Variants in ANXA11 observed in about 807,000 individuals in gnomAD.
ANXA11 encodes annexin A11.
In ANXA11, 57 loss-of-function variants were observed where a neutral mutation model predicts 64.7. That is an observed-to-expected ratio of 0.88 (90% CI 0.71 to 1.10). ANXA11 has a LOEUF of 1.10. Among genes scored for constraint, ANXA11 ranks in the 50% least tolerant of loss-of-function variants. ANXA11 has a pLI of 0.00. For synonymous variants in ANXA11, 260 were observed against 265.2 expected (o/e 0.98, Z 0.19); for missense variants, 675 against 670.7 (o/e 1.01, Z -0.07).
At chr10:80,185,313 G>T (rs1399099078) in intron 1 of ANXA11, among the ~76,000 whole-genome samples, 1 of 152,226 alleles carries the variant, frequency 6.6e-6, no homozygotes, top group Non-Finnish European at 1.5e-5. Context: ...GGGCAGCTCA[G>T]TGCTGCCCGG....
chr10:80,194,629 C>T (rs936055266), intron 1 of ANXA11, among the ~76,000 whole-genome samples: 3 of 152,152 alleles, frequency 2.0e-5, no homozygotes, highest in African/African-American at 7.2e-5. Context: ...AATCTAAGCC[C>T]TCCCAGCCTC....
intron 12 of ANXA11, 52 bp from the exon 13 acceptor site, chr10:80,159,247 G>A (rs1845411194): frequency 2.0e-6 from 3 of 1,469,204 alleles, no homozygotes; most frequent in Non-Finnish European, 2.9e-6. Context: ...TCTCCCCAAA[G>A]TTCATATGTG....
intron 3 of ANXA11, chr10:80,171,119 T>A: frequency 6.8e-7 from 1 of 1,481,324 alleles, no homozygotes; most frequent in Non-Finnish European, 8.9e-7. Context: ...CCTTCCCCTC[T>A]TCCCAGGGAG....
At chr10:80,171,732 C>T in intron 3 of ANXA11, 1 of 985,540 alleles carries the variant, frequency 1.0e-6, no homozygotes, top group Non-Finnish European at 1.2e-6. Flanking sequence ...GGGCTCCAGA[C>T]CCTCCAGGAA....
intron 3 of ANXA11, among the ~76,000 whole-genome samples, chr10:80,172,348 A>G (rs1846011270): frequency 6.6e-6 from 1 of 151,978 alleles, no homozygotes; most frequent in African/African-American, 2.4e-5. Context: ...AAACCCACAC[A>G]CCTTGAGCAG....
intron 12 of ANXA11, among the ~76,000 whole-genome samples, chr10:80,160,699 C>A (rs988650965): frequency 6.6e-6 from 1 of 152,122 alleles, no homozygotes; most frequent in African/African-American, 2.4e-5. Context: ...AGTCCCAGAG[C>A]CTCAGATAAC....
At chr10:80,202,114 C>G (rs977817910) in intron 1 of ANXA11, among the ~76,000 whole-genome samples, 3 of 150,698 alleles carry the variant, frequency 2.0e-5, no homozygotes, top group African/African-American at 7.4e-5. Flanking sequence ...CACCCGCTAA[C>G]TGATCTCAAA....
intron 8 of ANXA11, 24 bp downstream of exon 8, chr10:80,166,060 A>G (rs1197949283): frequency 1.5e-6 from 2 of 1,320,674 alleles, no homozygotes; most frequent in African/African-American, 1.5e-5. Context: ...ACACACACAC[A>G]CACACACACA....
intron 13 of ANXA11, 23 bp from the exon 14 acceptor site, chr10:80,158,048 A>G: frequency 6.2e-7 from 1 of 1,612,970 alleles, no homozygotes; most frequent in Non-Finnish European, 8.5e-7. Flanking sequence ...AACTCGGCAT[A>G]ACCAGATCTG....
At chr10:80,186,185 T>G (rs75482735) in intron 1 of ANXA11, among the ~76,000 whole-genome samples, 1,785 of 152,208 alleles carry the variant, frequency 0.012, 39 homozygotes, top group African/African-American at 0.041. Flanking sequence ...TTGTTCCCAT[T>G]ATATCATGTA....
chr10:80,187,798 C>A (rs1846605534), intron 1 of ANXA11, among the ~76,000 whole-genome samples: 1 of 152,114 alleles, frequency 6.6e-6, no homozygotes, highest in African/African-American at 2.4e-5. Context: ...GGGCACAAGT[C>A]CCAGGGTGGC....
At chr10:80,161,067 C>T (rs1275467448) in intron 12 of ANXA11, among the ~76,000 whole-genome samples, 4 of 152,178 alleles carry the variant, frequency 2.6e-5, no homozygotes, top group African/African-American at 4.8e-5. Context: ...ACTCCATTCT[C>T]GGCACCACAG....
At position 80,169,125 on chromosome 10, in the gene ANXA11, GGGT is replaced by G; in HGVS notation, c.402_404del (p.Pro136del). Reference sequence around the variant, plus strand: ...AGGCCCCTGGGGGCTGCTGTCCGGGGGGTGGCATGGGCTGGCCCGGCACAGGGG... The same window carrying G: ...AGGCCCCTGGGGGCTGCTGTCCGGGGGGCATGGGCTGGCCCGGCACAGGGG... On this transcript the variant is annotated inframe_deletion, in exon 5 of 16. Coordinates refer to ENST00000422982, the MANE Select transcript of ANXA11 (RefSeq NM_145868.2). 5 of 1,544,656 alleles carry G rather than the reference GGGT, an allele frequency of 3.2e-6. No individual in the cohort carries two copies. Among genetic ancestry groups the G allele is most frequent in the Non-Finnish European group, 4.3e-6 (5 of 1,151,084 alleles).
chr10:80,156,792 C>T (rs555749656), intron 15 of ANXA11, among the ~76,000 whole-genome samples: 3 of 152,342 alleles, frequency 2.0e-5, no homozygotes, highest in Admixed American at 2.0e-4. Context: ...GCGTGAGCCA[C>T]TGTGCCCAGC....
In ANXA11 at chr10:80,159,127, C is replaced by T. The variant is rs773306833; in HGVS notation, c.1249G>A (p.Asp417Asn). 5 of 1,613,968 alleles carry T rather than the reference C, an allele frequency of 3.1e-6. No individual in the cohort carries two copies. In the Admixed American group the frequency reaches 5.0e-5, roughly 16 times the overall value. Reference protein sequence around the residue: ...EKSICREMSGDLEEGMLAVVK... With the variant: ...EKSICREMSGNLEEGMLAVVK... ...ACGGCCAGCATGCCCTCCTCCAGGT[C>T]CCCGGACATCTCCCGGCAGATGCTC... Residue 417 changes from aspartate to asparagine, a missense_variant, in exon 13 of 16, where the codon GAC becomes AAC. Asp to Asn is a conservative substitution (Grantham distance 23). Transcript: ENST00000422982.
chr10:80,169,115 G>C lies in ANXA11; in HGVS notation c.415C>G (p.Gln139Glu). 2 of 1,539,220 alleles carry C rather than the reference G, an allele frequency of 1.3e-6. No individual in the cohort carries two copies. The highest frequency in any genetic ancestry group is 1.7e-6 in the Non-Finnish European group (2 of 1,148,650). Reference protein sequence around the residue: ...PGQPMPPPGQQPPGAYPGQPP... With the variant: ...PGQPMPPPGQEPPGAYPGQPP... ...TGCCCAGGGTAGGCCCCTGGGGGCT[G>C]CTGTCCGGGGGGTGGCATGGGCTGG... Residue 139 changes from glutamine to glutamate, a missense_variant, in exon 5 of 16, where the codon CAG becomes GAG. Transcript: ENST00000422982.
At chr10:80,193,586 G>A (rs940543448) in intron 1 of ANXA11, among the ~76,000 whole-genome samples, 2 of 152,070 alleles carry the variant, frequency 1.3e-5, no homozygotes, top group East Asian at 1.9e-4. Context: ...GCTCACATCT[G>A]TAATCCCAGC....
chr10:80,157,054 T>C (rs1422754314), intron 15 of ANXA11: 1 of 984,962 alleles, frequency 1.0e-6, no homozygotes, highest in African/African-American at 1.7e-5. Context: ...TAATAGACAC[T>C]TGACCTGCAC....
rs958484513 is a variant in ANXA11 at position 80,153,311 on chromosome 10, A to C, written c.*2542T>G. On this transcript the variant is annotated 3_prime_UTR_variant, in exon 16 of 16. Transcript: ENST00000422982. ...AAGCCCCATAGTGCCAGAATTTCTG[A>C]GTTTTCAAGAGAAGCCAGAATTCCA... The C allele has an allele frequency of 6.6e-6, 1 of 152,238 alleles. No individual in the cohort carries two copies. Among genetic ancestry groups the C allele is most frequent in the African/African-American group, 2.4e-5 (1 of 41,472 alleles). 9.4% of individuals were successfully genotyped at this position (152,238 alleles called of 1,614,324 possible).
Sources: allele counts gnomAD v4.1 joint callset (sites outside exome capture counted in the v4.1 genomes callset), GRCh38; gene constraint gnomAD v4.1.1; transcripts MANE v1.5; gene names NCBI Gene and HGNC (gene_info 2026-07-23, HGNC 2026-07-21).